The following PPP1R9A variants were observed in gnomAD, a reference collection of about 807,000 sequenced individuals.
PPP1R9A encodes neurabin-1.
A neutral mutation model predicts 141.9 loss-of-function variants in PPP1R9A; 59 were observed. The ratio of observed to expected loss-of-function variants is 0.42; its 90% CI spans 0.34 to 0.52. PPP1R9A has a LOEUF of 0.52. PPP1R9A is among the 20% of genes least tolerant of loss of function. The pLI is 0.10. For synonymous variants in PPP1R9A, 500 were observed against 569.7 expected, an observed-to-expected ratio of 0.88 and a Z score of 1.74; for missense variants, 1,444 against 1,611.9, an observed-to-expected ratio of 0.90 and a Z score of 1.78.
chr7:95,120,037 A>G (rs1250563991), intron 3 of PPP1R9A, among the ~76,000 whole-genome samples: 2 of 145,324 alleles, frequency 1.4e-5, no homozygotes, highest in African/African-American at 2.6e-5. Context: ...GCTCACTGCA[A>G]CCTCCGCCTC....
intron 14 of PPP1R9A, among the ~76,000 whole-genome samples, chr7:95,273,525 G>T (rs1802578457): frequency 6.6e-6 from 1 of 152,208 alleles, no homozygotes; most frequent in Non-Finnish European, 1.5e-5. Context: ...AGGCAAGAAA[G>T]GAATGGAGGA....
At chr7:95,245,130 C>A (rs530082632) in intron 8 of PPP1R9A, among the ~76,000 whole-genome samples, 1 of 152,198 alleles carries the variant, frequency 6.6e-6, no homozygotes, top group African/African-American at 2.4e-5. Context: ...TAGCACATAG[C>A]CATGTATGTT....
chr7:94,936,654 GTGTGT>G (rs778046243), intron 2 of PPP1R9A, among the ~76,000 whole-genome samples: 68 of 122,594 alleles, frequency 5.5e-4, no homozygotes, highest in Non-Finnish European at 8.5e-4. Context: ...GTGTAGGGGT[GTGTGT>G]GTGTGTGTGT....
chr7:94,909,386 C>T (rs1289117749), intron 1 of PPP1R9A, among the ~76,000 whole-genome samples: 4 of 152,074 alleles, frequency 2.6e-5, no homozygotes, highest in Non-Finnish European at 5.9e-5. Flanking sequence ...GAACATTGGA[C>T]CAAAAAAAGT....
intron 2 of PPP1R9A, among the ~76,000 whole-genome samples, chr7:94,992,998 A>G (rs1227766524): frequency 1.3e-5 from 2 of 151,572 alleles, no homozygotes; most frequent in Non-Finnish European, 2.9e-5. Context: ...TTTCTTCTAG[A>G]TTTTTGTAGT....
chr7:94,918,449 C>CA (rs1315695034), intron 2 of PPP1R9A, among the ~76,000 whole-genome samples: 2 of 151,958 alleles, frequency 1.3e-5, no homozygotes, highest in Non-Finnish European at 2.9e-5. Flanking sequence ...GTGGTGCACT[C>CA]ACTCTTCTTT....
chr7:94,926,710 T>C (rs547047228), intron 2 of PPP1R9A, among the ~76,000 whole-genome samples: 10 of 152,196 alleles, frequency 6.6e-5, no homozygotes, highest in Non-Finnish European at 1.3e-4. Context: ...ATTACTTTTT[T>C]GGGGTCATTT....
intron 2 of PPP1R9A, among the ~76,000 whole-genome samples, chr7:95,020,509 C>T (rs974689506): frequency 6.6e-6 from 1 of 152,046 alleles, no homozygotes; most frequent in African/African-American, 2.4e-5. Flanking sequence ...ATGTGCAGCA[C>T]GTGCAGGTTT....
chr7:95,024,167 T>C (rs1053859382), intron 2 of PPP1R9A, among the ~76,000 whole-genome samples: 1 of 152,222 alleles, frequency 6.6e-6, no homozygotes, highest in African/African-American at 2.4e-5. Context: ...TTTCCATTCT[T>C]TTCCATTTGC....
chr7:95,202,628 CG>C, intron 6 of PPP1R9A: 4 of 900,456 alleles, frequency 4.4e-6, no homozygotes, highest in Non-Finnish European at 5.3e-6. Flanking sequence ...TCATGACACT[CG>C]GGGGGTATGA....
At chr7:94,946,951 C>T (rs558186286) in intron 2 of PPP1R9A, among the ~76,000 whole-genome samples, 3 of 152,216 alleles carry the variant, frequency 2.0e-5, no homozygotes, top group Non-Finnish European at 4.4e-5. Context: ...GTGTTTATAT[C>T]TTTGCATCAC....
chr7:95,093,024 C>G (rs1387144731), intron 2 of PPP1R9A, among the ~76,000 whole-genome samples: 1 of 152,146 alleles, frequency 6.6e-6, no homozygotes, highest in Non-Finnish European at 1.5e-5. Flanking sequence ...TATGTATTTA[C>G]CTTCCCGATA....
In PPP1R9A at chr7:94,910,914, T is replaced by C; in HGVS notation, c.801T>C (p.Asp267=). 6.2e-7 allele frequency: 1 copy of C among 1,614,112 alleles called. No homozygotes were observed. Among genetic ancestry groups the C allele is most frequent in the South Asian group, 1.1e-5 (1 of 91,080 alleles). The change falls in exon 2 of 20, where the codon GAT becomes GAC. Residue 267 remains aspartate (D), a synonymous_variant. Transcript: ENST00000433360. This position sits in a 1 kb window ranked among gnomAD's most constrained non-coding sequence, Gnocchi z 4.5. ...CTCCTTCAAACAAGCGAGGTGTTGA[T>C]ACAGAGGATGCTCACAAGAGTAATG... ...SWPPSNKRGV[D]TEDAHKSNAT... is the part of the protein sequence containing the mutation.
intron 12 of PPP1R9A, among the ~76,000 whole-genome samples, chr7:95,261,642 A>G (rs1660441782): frequency 6.6e-6 from 1 of 152,130 alleles, no homozygotes; most frequent in Admixed American, 6.6e-5. Flanking sequence ...TAATTTGTTG[A>G]AAGTCACTGT....
chr7:95,099,157 G>A (rs1818429421), intron 2 of PPP1R9A, among the ~76,000 whole-genome samples: 2 of 152,184 alleles, frequency 1.3e-5, no homozygotes, highest in African/African-American at 2.4e-5. Context: ...TGAGACACAT[G>A]CTAGAACAAA....
chr7:95,019,586 G>A (rs1805605460), intron 2 of PPP1R9A, among the ~76,000 whole-genome samples: 2 of 151,746 alleles, frequency 1.3e-5, no homozygotes, highest in African/African-American at 4.8e-5. Flanking sequence ...TAAAATAGTG[G>A]GCAAAATTTT....
intron 2 of PPP1R9A, among the ~76,000 whole-genome samples, chr7:95,054,900 A>G (rs1306629233): frequency 2.6e-5 from 4 of 152,290 alleles, no homozygotes; most frequent in South Asian, 2.1e-4. Flanking sequence ...CACAGGGCCT[A>G]TTTGTAATGT....
intron 2 of PPP1R9A, among the ~76,000 whole-genome samples, chr7:94,995,942 A>G (rs183343424): frequency 6.6e-6 from 1 of 152,152 alleles, no homozygotes; most frequent in Non-Finnish European, 1.5e-5. Flanking sequence ...CACTTAAGTT[A>G]TATAGAAATA....
At chr7:95,023,620 C>T (rs558443538) in intron 2 of PPP1R9A, among the ~76,000 whole-genome samples, 1 of 152,190 alleles carries the variant, frequency 6.6e-6, no homozygotes, top group South Asian at 2.1e-4. Context: ...GTGGCGCGAT[C>T]TTGGCTCACT....
Sources: gnomAD v4.1 joint callset for allele counts (sites outside exome capture counted in the v4.1 genomes callset) on GRCh38, gnomAD v4.1.1 for gene constraint, Gnocchi (gnomAD v3.1) non-coding constraint, MANE v1.5 for transcripts, NCBI Gene and HGNC (gene_info 2026-07-23, HGNC 2026-07-21) for gene names.